Variants in CRPPA observed in about 807,000 individuals in gnomAD.
The protein encoded by CRPPA is CDP-L-ribitol pyrophosphorylase A.
CRPPA carries 43 observed loss-of-function variants against 52.0 expected under a neutral mutation model. The observed-to-expected ratio is 0.83, with a 90% confidence interval of 0.65 to 1.07. The LOEUF is 1.07. CRPPA is among the 50% of genes least tolerant of loss of function. CRPPA has a pLI of 0.00. For missense variants in CRPPA, 629 were observed against 551.7 expected (o/e 1.14, Z -1.40); for synonymous variants, 250 against 203.5 (o/e 1.23, Z -1.94).
intron 3 of CRPPA, among the ~76,000 whole-genome samples, chr7:16,364,584 T>C (rs897264512): frequency 6.6e-6 from 1 of 152,190 alleles, no homozygotes; most frequent in Non-Finnish European, 1.5e-5. Flanking sequence ...CTCAGTGAAA[T>C]TGGCATGATA....
intron 8 of CRPPA, among the ~76,000 whole-genome samples, chr7:16,255,477 T>G (rs1236275747): frequency 1.3e-5 from 2 of 152,172 alleles, no homozygotes; most frequent in Non-Finnish European, 2.9e-5. Context: ...AGAGCCTGCA[T>G]TGCCAAGACA....
At chr7:16,100,388 T>C (rs1346228070) in intron 9 of CRPPA, among the ~76,000 whole-genome samples, 2 of 152,234 alleles carry the variant, frequency 1.3e-5, no homozygotes. Context: ...AATCGTAAGA[T>C]ACTAAAAGAT....
At chr7:16,379,385 T>C (rs1193351226) in intron 2 of CRPPA, among the ~76,000 whole-genome samples, 2 of 152,246 alleles carry the variant, frequency 1.3e-5, no homozygotes, top group African/African-American at 4.8e-5. Flanking sequence ...CTGTTTTGGT[T>C]ACTGTAGCCT....
In CRPPA at chr7:16,091,614, C is replaced by T. The variant is rs993861751; in HGVS notation, c.*81G>A. On this transcript the variant is annotated 3_prime_UTR_variant, in exon 10 of 10. Coordinates refer to ENST00000407010, the MANE Select transcript of CRPPA (RefSeq NM_001101426.4). ...TATAAAAGACAACTGAAACATTCTA[C>T]CACACACAGCAGCGGGGGCACAAAG... The T allele has an allele frequency of 2.8e-5, 20 of 719,316 alleles. No individual in the cohort carries two copies. The highest frequency in any genetic ancestry group is 4.3e-5 in the Non-Finnish European group (18 of 423,434). 44.6% of individuals were successfully genotyped at this position (719,316 alleles called of 1,614,324 possible).
chr7:16,164,941 C>T (rs1232938274), intron 9 of CRPPA, among the ~76,000 whole-genome samples: 1 of 151,896 alleles, frequency 6.6e-6, no homozygotes, highest in Non-Finnish European at 1.5e-5. Context: ...AGGTGTATGT[C>T]GACTCCTGCT....
chr7:16,307,609 G>A (rs13245330), intron 4 of CRPPA, among the ~76,000 whole-genome samples: 1 of 148,004 alleles, frequency 6.8e-6, no homozygotes, highest in Non-Finnish European at 1.5e-5. Context: ...GAAATTTGGA[G>A]GTGGAGGTTA....
chr7:16,090,551 A>AAC lies in CRPPA; in HGVS notation c.*1143_*1144insGT, dbSNP rs1781815401. ...AAAACCCTTCTCTACTAAAAATACA[A>AAC]AAAAAAAAAAAAAAAAAAAAAATTA... On this transcript the variant is annotated 3_prime_UTR_variant, in exon 10 of 10. Coordinates refer to ENST00000407010, the MANE Select transcript of CRPPA (RefSeq NM_001101426.4). 1 of 135,184 alleles carries AAC rather than the reference A, an allele frequency of 7.4e-6. No individual in the cohort carries two copies. The highest frequency in any genetic ancestry group is 2.7e-5 in the African/African-American group (1 of 36,420). The allele number at this position is 135,184 out of a possible 1,614,324, so 8.4% of individuals were successfully genotyped here.
intron 9 of CRPPA, among the ~76,000 whole-genome samples, chr7:16,168,235 C>A (rs1468481105): frequency 6.6e-6 from 1 of 152,090 alleles, no homozygotes; most frequent in Admixed American, 6.6e-5. Context: ...ATGTTCATTG[C>A]CAAGTTAGTT....
intron 9 of CRPPA, among the ~76,000 whole-genome samples, chr7:16,180,440 T>C (rs1241362226): frequency 6.6e-6 from 1 of 152,162 alleles, no homozygotes; most frequent in Admixed American, 6.6e-5. Context: ...ATATATTATA[T>C]GAGTGTATTT....
Position 16,216,297 on chromosome 7 carries a change from T to C in CRPPA, c.1120-100A>G, listed in dbSNP as rs949157392. ...GCTCAAAACCCATATGATTACAATA[T>C]TGCAATAATCTTTATTAACTTTTGT... On this transcript the variant is annotated intron_variant, in intron 8 of 9. Coordinates refer to ENST00000407010, the MANE Select transcript of CRPPA (RefSeq NM_001101426.4). 1.9e-4 allele frequency: 130 copies of C among 693,632 alleles called. 1 individual carries two copies. Among genetic ancestry groups the C allele is most frequent in the Non-Finnish European group, 2.0e-4 (85 of 430,558 alleles). 43.0% of individuals were successfully genotyped at this position (693,632 alleles called of 1,614,324 possible).
chr7:16,353,380 G>T (rs542183696), intron 3 of CRPPA, among the ~76,000 whole-genome samples: 1 of 151,886 alleles, frequency 6.6e-6, no homozygotes, highest in African/African-American at 2.4e-5. Flanking sequence ...AAAAACAAAA[G>T]TCAAATTCAT....
intron 3 of CRPPA, among the ~76,000 whole-genome samples, chr7:16,329,837 AG>A (rs1785507455): frequency 6.6e-6 from 1 of 152,210 alleles, no homozygotes; most frequent in Admixed American, 6.5e-5. Context: ...AAAAAGGAAA[AG>A]AATAGAGGAA....
At chr7:16,403,134 A>AG (rs898615618) in intron 2 of CRPPA, among the ~76,000 whole-genome samples, 5 of 151,940 alleles carry the variant, frequency 3.3e-5, no homozygotes, top group African/African-American at 1.2e-4. Context: ...CAAAATAGTG[A>AG]GGGGGGGAAA....
At chr7:16,367,191 CCTT>C (rs1423630596) in intron 3 of CRPPA, among the ~76,000 whole-genome samples, 6 of 151,910 alleles carry the variant, frequency 3.9e-5, no homozygotes, top group African/African-American at 1.5e-4. Flanking sequence ...AAAACTTATG[CCTT>C]CTTATCTCTT....
rs1562608656 is a variant in CRPPA at position 16,286,085 on chromosome 7, TTTAAAAAA to T, written c.836-7867_836-7860del. On this transcript the variant is annotated intron_variant, in intron 5 of 9. Transcript: ENST00000407010. ...TATATATATATATATATATATAATA[TTTAAAAAA>T]AAAAATATATATATATATATATATG... 1.8e-3 allele frequency among the ~76,000 whole-genome samples: 28 copies of T among 15,618 alleles called. 1 individual carries two copies. Among genetic ancestry groups the T allele is most frequent in the African/African-American group, 1.9e-3 (7 of 3,760 alleles). The allele number at this position is 15,618 out of a possible 152,430, so 10.2% of individuals were successfully genotyped here.
intron 2 of CRPPA, among the ~76,000 whole-genome samples, chr7:16,399,683 T>C (rs896390086): frequency 3.9e-5 from 6 of 151,970 alleles, no homozygotes; most frequent in Admixed American, 6.6e-5. Flanking sequence ...GCATGACCAG[T>C]GACACGTGAG....
At chr7:16,382,545 C>G (rs1243090252) in intron 2 of CRPPA, among the ~76,000 whole-genome samples, 1 of 151,968 alleles carries the variant, frequency 6.6e-6, no homozygotes, top group Non-Finnish European at 1.5e-5. Context: ...GCCTGCCTTG[C>G]TAGATTGGGG....
chr7:16,106,866 A>G (rs948355356), intron 9 of CRPPA, among the ~76,000 whole-genome samples: 7 of 152,196 alleles, frequency 4.6e-5, no homozygotes, highest in Admixed American at 4.6e-4. Context: ...AGTGAACTAT[A>G]AGAATATACA....
chr7:16,273,996 A>C (rs1784150655), intron 6 of CRPPA, among the ~76,000 whole-genome samples: 2 of 152,202 alleles, frequency 1.3e-5, no homozygotes, highest in Non-Finnish European at 2.9e-5. Flanking sequence ...TGCCCATTTC[A>C]GTACTACTCC....
Sources: allele counts gnomAD v4.1 joint callset (sites outside exome capture counted in the v4.1 genomes callset), GRCh38; gene constraint gnomAD v4.1.1; transcripts MANE v1.5; gene names NCBI Gene and HGNC (gene_info 2026-07-23, HGNC 2026-07-21).